ERC1: variants seen among roughly 807,000 people sequenced by gnomAD.
ERC1 encodes RAB6 interacting protein 2.
A neutral mutation model predicts 132.0 loss-of-function variants in ERC1; 56 were observed. The ratio of observed to expected loss-of-function variants is 0.42; its 90% CI spans 0.34 to 0.53. ERC1 has a LOEUF of 0.53. Among genes scored for constraint, ERC1 ranks in the 20% least tolerant of loss-of-function variants. The probability of loss-of-function intolerance (pLI) is 0.03; values close to 1 mark genes in which losing one functional copy is unlikely to be tolerated. For missense variants in ERC1, 1,202 were observed against 1,349.9 expected (o/e 0.89, Z 1.72); for synonymous variants, 478 against 476.1 (o/e 1.00, Z -0.05).
chr12:1,489,994 C>T, intron 18 of ERC1, 99 bp from the exon 19 acceptor site: 1 of 1,305,780 alleles, frequency 7.7e-7, no homozygotes, highest in Non-Finnish European at 1.1e-6. Context: ...AGAGACTTCA[C>T]ATACAGAGTG....
chr12:1,193,729 C>T (rs1364184455), intron 12 of ERC1, among the ~76,000 whole-genome samples: 1 of 152,120 alleles, frequency 6.6e-6, no homozygotes, highest in Non-Finnish European at 1.5e-5. Flanking sequence ...CCTTTTCTCT[C>T]CTGGGAAACC....
At chr12:1,362,164 A>G (rs2086188860) in intron 15 of ERC1, among the ~76,000 whole-genome samples, 1 of 152,232 alleles carries the variant, frequency 6.6e-6, no homozygotes, top group African/African-American at 2.4e-5. Flanking sequence ...AATGATATTT[A>G]ACACTAAGTG....
chr12:1,409,435 A>G (rs1202560426), intron 17 of ERC1, among the ~76,000 whole-genome samples: 2 of 152,210 alleles, frequency 1.3e-5, no homozygotes, highest in Non-Finnish European at 2.9e-5. Context: ...GGAAGAGACA[A>G]ACAGAGAAAG....
chr12:1,236,619 C>T (rs1025448966), intron 12 of ERC1, 150 bp from the exon 13 acceptor site: 6 of 693,676 alleles, frequency 8.6e-6, no homozygotes, highest in South Asian at 2.5e-5. Flanking sequence ...TTGAGAGGAA[C>T]GAATTTGGAA....
intron 12 of ERC1, among the ~76,000 whole-genome samples, chr12:1,193,839 G>A (rs927275940): frequency 2.6e-5 from 4 of 152,104 alleles, no homozygotes; most frequent in African/African-American, 9.7e-5. Flanking sequence ...CTTTAATTAT[G>A]TCAGCAAACT....
intron 15 of ERC1, among the ~76,000 whole-genome samples, chr12:1,353,312 G>A (rs2085210161): frequency 2.0e-5 from 3 of 152,152 alleles, no homozygotes; most frequent in African/African-American, 2.4e-5. Context: ...TTACAGGCGT[G>A]AGCCACCGCG....
At chr12:1,038,082 T>C (rs1969451085) in intron 2 of ERC1, among the ~76,000 whole-genome samples, 1 of 151,984 alleles carries the variant, frequency 6.6e-6, no homozygotes, top group Non-Finnish European at 1.5e-5. Flanking sequence ...CTATTTCCAT[T>C]TGATGAAAGA....
At chr12:1,354,895 G>A (rs555796870) in intron 15 of ERC1, among the ~76,000 whole-genome samples, 1 of 152,166 alleles carries the variant, frequency 6.6e-6, no homozygotes, top group African/African-American at 2.4e-5. Context: ...GCCCACCTCA[G>A]CCTCCCAAAA....
chr12:1,120,747 G>A (rs1327415721), intron 7 of ERC1, among the ~76,000 whole-genome samples: 1 of 152,176 alleles, frequency 6.6e-6, no homozygotes, highest in Non-Finnish European at 1.5e-5. Context: ...TTGGAATTCT[G>A]TTTATTATAG....
chr12:1,400,908 ATTTTTGTATTTT>A (rs2090970760), intron 16 of ERC1, among the ~76,000 whole-genome samples: 4 of 43,400 alleles, frequency 9.2e-5, no homozygotes, highest in Admixed American at 2.6e-4. Flanking sequence ...TGTTTTGGCT[ATTTTTGTATTTT>A]TTTTTTTTTT....
chr12:1,482,547 A>G (rs1186341187), intron 18 of ERC1, among the ~76,000 whole-genome samples: 1 of 151,992 alleles, frequency 6.6e-6, no homozygotes, highest in African/African-American at 2.4e-5. Flanking sequence ...CTTGGGTCCA[A>G]GTGATTCTCC....
intron 15 of ERC1, among the ~76,000 whole-genome samples, chr12:1,346,846 G>T (rs896463747): frequency 6.6e-6 from 1 of 151,504 alleles, no homozygotes; most frequent in Non-Finnish European, 1.5e-5. Flanking sequence ...GGAGGCTGAG[G>T]CAGGAGAATG....
chr12:1,374,828 T>A (rs2087693976), intron 16 of ERC1, among the ~76,000 whole-genome samples: 2 of 118,518 alleles, frequency 1.7e-5, no homozygotes, highest in Admixed American at 1.5e-4. Flanking sequence ...GCTGGGATTT[T>A]TTTTTTTTTT....
chr12:1,424,717 T>G (rs1429862510), intron 17 of ERC1, among the ~76,000 whole-genome samples: 1 of 151,992 alleles, frequency 6.6e-6, no homozygotes, highest in East Asian at 1.9e-4. Flanking sequence ...GAAAAAGAAA[T>G]AAACACTGAA....
At chr12:1,121,232 C>G (rs1038836376) in intron 7 of ERC1, among the ~76,000 whole-genome samples, 24 of 152,230 alleles carry the variant, frequency 1.6e-4, no homozygotes, top group Admixed American at 6.5e-5. Context: ...AACTTGCGTT[C>G]TTGATCATAA....
intron 8 of ERC1, among the ~76,000 whole-genome samples, chr12:1,141,995 T>A (rs189642485): frequency 2.0e-5 from 3 of 152,356 alleles, no homozygotes; most frequent in Admixed American, 2.0e-4. Context: ...ACTGTTAGTA[T>A]CTTCCAGTAG....
At position 1,245,931 on chromosome 12, in the gene ERC1, AT is replaced by A. The variant is rs563467817; in HGVS notation, c.2487+9036del. Among the ~76,000 whole-genome samples, 303 of 151,154 alleles carry A rather than the reference AT, an allele frequency of 2.0e-3. 2 individuals are homozygous for A. Among genetic ancestry groups the A allele is most frequent in the African/African-American group, 7.1e-3 (292 of 41,204 alleles). On this transcript the variant is annotated intron_variant, in intron 13 of 18. Coordinates refer to ENST00000360905, the MANE Select transcript of ERC1 (RefSeq NM_178040.4). ...AAACATTATTAAAGTTCCCAAAGTG[AT>A]TTTTTTTTCTTTTTTTAAATAGAGA... is the stretch of plus-strand genomic sequence containing the variant.
intron 18 of ERC1, among the ~76,000 whole-genome samples, chr12:1,454,891 G>A (rs1197687590): frequency 1.3e-5 from 2 of 152,152 alleles, no homozygotes; most frequent in East Asian, 3.8e-4. Context: ...AGGCCCTCTA[G>A]TCATTTGATA....
chr12:1,243,878 A>C (rs2075992820), intron 13 of ERC1, among the ~76,000 whole-genome samples: 1 of 152,230 alleles, frequency 6.6e-6, no homozygotes, highest in Non-Finnish European at 1.5e-5. Flanking sequence ...ACTGTGGATG[A>C]AGTTTTCATG....
Sources: gnomAD v4.1 joint callset for allele counts (sites outside exome capture counted in the v4.1 genomes callset) on GRCh38, gnomAD v4.1.1 for gene constraint, MANE v1.5 for transcripts, NCBI Gene and HGNC (gene_info 2026-07-23, HGNC 2026-07-21) for gene names.